Variants in POU6F2 observed in about 807,000 individuals in gnomAD.
The protein encoded by POU6F2 is POU class 6 homeobox 2, also known as POU domain, class 6, transcription factor 2.
Under a neutral mutation model 71.3 loss-of-function variants are expected in POU6F2, and 31 were observed. That is an observed-to-expected ratio of 0.43 (90% confidence interval 0.33 to 0.59). POU6F2 has a LOEUF of 0.59. Ranked by LOEUF, POU6F2 falls within the 20% of genes least tolerant of loss-of-function variation. The pLI is 0.04. For missense variants in POU6F2, 783 were observed against 856.8 expected (o/e 0.91, Z 1.07); for synonymous variants, 347 against 355.7 (o/e 0.98, Z 0.27).
intron 5 of POU6F2, among the ~76,000 whole-genome samples, chr7:39,395,678 G>C (rs1240513630): frequency 6.6e-6 from 1 of 152,222 alleles, no homozygotes; most frequent in Non-Finnish European, 1.5e-5. Flanking sequence ...GAAAGAACCT[G>C]TGTCTCAGCT....
At chr7:39,091,204 A>AT (rs1448180420) in intron 2 of POU6F2, among the ~76,000 whole-genome samples, 1 of 152,174 alleles carries the variant, frequency 6.6e-6, no homozygotes, top group Non-Finnish European at 1.5e-5. Flanking sequence ...ACTTTTCACC[A>AT]TATTTGTTTG....
intron 7 of POU6F2, among the ~76,000 whole-genome samples, chr7:39,436,551 A>C (rs1464370656): frequency 7.6e-6 from 1 of 130,954 alleles, no homozygotes; most frequent in African/African-American, 3.2e-5. Flanking sequence ...CTAAATATAA[A>C]ATCATGTCGT....
At chr7:39,462,481 C>T (rs1247420513) in intron 9 of POU6F2, among the ~76,000 whole-genome samples, 1 of 152,164 alleles carries the variant, frequency 6.6e-6, no homozygotes, top group Admixed American at 6.5e-5. Context: ...TTAAATCCCT[C>T]CTTATCAGAG....
intron 2 of POU6F2, among the ~76,000 whole-genome samples, chr7:39,088,170 A>G (rs1382565253): frequency 6.6e-6 from 1 of 152,176 alleles, no homozygotes; most frequent in Non-Finnish European, 1.5e-5. Context: ...CCCAGTTTCC[A>G]ATTAGATCAA....
At chr7:39,089,721 T>C (rs576945836) in intron 2 of POU6F2, among the ~76,000 whole-genome samples, 104 of 152,292 alleles carry the variant, frequency 6.8e-4, no homozygotes, top group African/African-American at 2.1e-3. Context: ...AAAAGTAATA[T>C]ATATCCTTGG....
chr7:39,417,744 T>G (rs1787712989), intron 6 of POU6F2, among the ~76,000 whole-genome samples: 1 of 152,194 alleles, frequency 6.6e-6, no homozygotes, highest in Non-Finnish European at 1.5e-5. Flanking sequence ...GTCCATGTAC[T>G]CACATGAAAG....
intron 6 of POU6F2, among the ~76,000 whole-genome samples, chr7:39,409,823 C>G (rs1787515575): frequency 6.6e-6 from 1 of 152,210 alleles, no homozygotes; most frequent in South Asian, 2.1e-4. Context: ...GACTCTGTTT[C>G]TGTTAACTGG....
intron 5 of POU6F2, among the ~76,000 whole-genome samples, chr7:39,353,266 C>T (rs1163055391): frequency 1.3e-5 from 2 of 152,128 alleles, no homozygotes; most frequent in Non-Finnish European, 2.9e-5. Context: ...AAATATCAGC[C>T]TAAGGATGCA....
chr7:38,994,709 C>T (rs1025707435), intron 1 of POU6F2, among the ~76,000 whole-genome samples: 2 of 151,098 alleles, frequency 1.3e-5, no homozygotes, highest in East Asian at 1.9e-4. Context: ...TTTACCACTA[C>T]TCTTCCCCTC....
At chr7:39,412,665 A>G (rs1050782035) in intron 6 of POU6F2, among the ~76,000 whole-genome samples, 10 of 152,080 alleles carry the variant, frequency 6.6e-5, no homozygotes, top group Admixed American at 2.6e-4. Flanking sequence ...ATTTTAAACA[A>G]TGAAACATGT....
At chr7:39,253,407 C>T (rs1389887083) in intron 4 of POU6F2, among the ~76,000 whole-genome samples, 1 of 152,224 alleles carries the variant, frequency 6.6e-6, no homozygotes, top group Non-Finnish European at 1.5e-5. Flanking sequence ...TATAAATGCA[C>T]ATGGTGGCTT....
intron 1 of POU6F2, among the ~76,000 whole-genome samples, chr7:39,030,305 C>T (rs1188985166): frequency 6.6e-6 from 1 of 151,114 alleles, no homozygotes; most frequent in Non-Finnish European, 1.5e-5. Flanking sequence ...CAGTAGCAAA[C>T]ATTTTTCATT....
intron 4 of POU6F2, among the ~76,000 whole-genome samples, chr7:39,314,705 G>A (rs1260256203): frequency 6.6e-6 from 1 of 152,038 alleles, no homozygotes; most frequent in Non-Finnish European, 1.5e-5. Context: ...CTTATTTTTT[G>A]TTGGAACCGA....
At chr7:39,182,167 A>T (rs1793447817) in intron 2 of POU6F2, among the ~76,000 whole-genome samples, 1 of 152,230 alleles carries the variant, frequency 6.6e-6, no homozygotes. Flanking sequence ...AATAATACGA[A>T]TGACACATTG....
At position 39,034,128 on chromosome 7, in the gene POU6F2, A is replaced by G. The variant is rs191269804; in HGVS notation, c.106-51732A>G. On this transcript the variant is annotated intron_variant, in intron 1 of 9. Transcript: ENST00000518318. The stretch of plus-strand genomic sequence containing the variant: ...GTATGCATCATAATGAAGGTGATTT[A>G]TTATAATTAAAACTGTGTGGAGAGG... Among the ~76,000 whole-genome samples the G allele has an allele frequency of 1.1e-4, 16 of 152,298 alleles. No homozygotes were observed. In the East Asian group the frequency reaches 2.5e-3, roughly 24 times the overall value.
At chr7:39,183,979 C>A (rs960842095) in intron 2 of POU6F2, among the ~76,000 whole-genome samples, 1 of 152,118 alleles carries the variant, frequency 6.6e-6, no homozygotes, top group African/African-American at 2.4e-5. Flanking sequence ...ACATTCCAAC[C>A]ACCTGATTAA....
chr7:38,981,934 A>C (rs1289140854), intron 1 of POU6F2, among the ~76,000 whole-genome samples: 1 of 152,224 alleles, frequency 6.6e-6, no homozygotes, highest in Non-Finnish European at 1.5e-5. Flanking sequence ...ATAGCATCAA[A>C]ACAATTAATT....
intron 7 of POU6F2, among the ~76,000 whole-genome samples, chr7:39,447,997 T>C (rs1265780293): frequency 2.0e-5 from 3 of 152,246 alleles, no homozygotes; most frequent in Non-Finnish European, 2.9e-5. Flanking sequence ...TTTCATAAAG[T>C]AGCTTAAATC....
At chr7:39,261,898 G>A (rs1294728797) in intron 4 of POU6F2, among the ~76,000 whole-genome samples, 1 of 152,208 alleles carries the variant, frequency 6.6e-6, no homozygotes, top group Non-Finnish European at 1.5e-5. Flanking sequence ...AAATGAGCCA[G>A]TAAATCTAAA....
Sources: gnomAD v4.1 joint callset for allele counts (sites outside exome capture counted in the v4.1 genomes callset) on GRCh38, gnomAD v4.1.1 for gene constraint, MANE v1.5 for transcripts, NCBI Gene and HGNC (gene_info 2026-07-23, HGNC 2026-07-21) for gene names.